C12orf56: variants seen among roughly 807,000 people sequenced by gnomAD.
The protein encoded by C12orf56 is uncharacterized protein C12orf56.
C12orf56 carries 71 observed loss-of-function variants against 69.9 expected under a neutral mutation model. The ratio of observed to expected loss-of-function variants is 1.02; its 90% CI spans 0.84 to 1.24. The LOEUF (loss-of-function observed/expected upper bound fraction) is 1.24. Among genes scored for constraint, C12orf56 ranks in the 50% most tolerant of loss-of-function variants. The probability of loss-of-function intolerance (pLI) is 0.00; values close to 1 mark genes in which losing one functional copy is unlikely to be tolerated. For missense variants in C12orf56, 732 were observed against 738.5 expected (o/e 0.99, Z 0.10); for synonymous variants, 276 against 274.1 (o/e 1.01, Z -0.07).
intron 1 of C12orf56, among the ~76,000 whole-genome samples, chr12:64,364,553 T>C (rs2039440049): frequency 6.6e-6 from 1 of 152,014 alleles, no homozygotes; most frequent in Non-Finnish European, 1.5e-5. Flanking sequence ...TGAGCTTCCC[T>C]GGTTGGCAAC....
At chr12:64,270,754 AC>A (rs1367197566) in intron 11 of C12orf56, 40 bp from the exon 12 acceptor site, 1 of 1,517,290 alleles carries the variant, frequency 6.6e-7, no homozygotes, top group Non-Finnish European at 8.9e-7. Flanking sequence ...GCTGTGTGCC[AC>A]CCACAAAAGC....
intron 1 of C12orf56, among the ~76,000 whole-genome samples, chr12:64,385,448 G>GTCA (rs1378614290): frequency 3.3e-5 from 5 of 152,086 alleles, no homozygotes; most frequent in Admixed American, 1.3e-4. Context: ...TGTGACATAT[G>GTCA]TCAGGAACTA....
rs1475726497 is a variant in C12orf56, at chr12:64,318,611, A to T, written c.858T>A (p.Phe286Leu). The T allele has an allele frequency of 6.5e-7, 1 of 1,536,436 alleles. No individual in the cohort carries two copies. Among genetic ancestry groups the T allele is most frequent in the Non-Finnish European group, 8.7e-7 (1 of 1,146,398 alleles). ...LYVISTTSSI[F>L]LHLKSSWNNY... ...TGTTCCATGAACTTTTTAAGTGCAG[A>T]AATATTGATGAGGTTGTGGAAATAA... The change falls in exon 4 of 13, where the codon TTT becomes TTA. Residue 286 changes from phenylalanine (F) to leucine (L), a missense_variant. Phe to Leu is a conservative substitution (Grantham distance 22). Transcript: ENST00000543942.
At chr12:64,281,503 T>G (rs919723405) in intron 8 of C12orf56, among the ~76,000 whole-genome samples, 3 of 150,630 alleles carry the variant, frequency 2.0e-5, no homozygotes, top group African/African-American at 7.3e-5. Context: ...ACCATGGAGG[T>G]AGAGGTTGCA....
In C12orf56 at chr12:64,390,604, G is replaced by T; in HGVS notation, c.-39C>A. 6.8e-7 allele frequency: 1 copy of T among 1,461,738 alleles called. No individual in the cohort carries two copies. The highest frequency in any genetic ancestry group is 2.6e-5 in the Admixed American group (1 of 38,932). The allele number at this position is 1,461,738 out of a possible 1,614,324, so 90.5% of individuals were successfully genotyped here. On this transcript the variant is annotated 5_prime_UTR_variant, in exon 1 of 13. Transcript: ENST00000543942. ...AGCGTGGCGGAGTGCTGGGACTCGA[G>T]GCCCTCAGCTCGCCCTCTCCCCGCC...
At chr12:64,270,834 C>A in intron 11 of C12orf56, 120 bp from the exon 12 acceptor site, 1 of 772,946 alleles carries the variant, frequency 1.3e-6, no homozygotes, top group East Asian at 2.6e-5. Flanking sequence ...ACCACTGTTG[C>A]AATGTTCCTT....
chr12:64,277,807 G>C lies in C12orf56; in HGVS notation c.1311-4C>G, dbSNP rs758898897. Reference sequence around the variant, plus strand: ...CAAGAGATTAAATAGTGCTCCCCTGGAAAAAAATAAATAAAAGGCAATTAG... The same window carrying C: ...CAAGAGATTAAATAGTGCTCCCCTGCAAAAAAATAAATAAAAGGCAATTAG... On this transcript the variant is annotated splice_polypyrimidine_tract_variant and splice_region_variant and intron_variant, in intron 8 of 12. Transcript: ENST00000543942. 10 of 1,533,268 alleles carry C rather than the reference G, an allele frequency of 6.5e-6. No homozygotes were observed. The Admixed American group carries it at 1.8e-4, about 27-fold the overall frequency. 95.0% of individuals were successfully genotyped at this position (1,533,268 alleles called of 1,614,324 possible). A position where few individuals can be genotyped will look rare whatever the true frequency, so the allele number is the denominator to read the frequency against.
chr12:64,315,931 C>CAA (rs1447522554), intron 4 of C12orf56, among the ~76,000 whole-genome samples: 93 of 61,204 alleles, frequency 1.5e-3, no homozygotes, highest in African/African-American at 4.0e-3. Context: ...AACTCCACCT[C>CAA]AAAAAAAAAA....
At position 64,366,073 on chromosome 12, in the gene C12orf56, T is replaced by C. The variant is rs2039472156; in HGVS notation, c.253-13017A>G. On this transcript the variant is annotated intron_variant, in intron 1 of 12. Coordinates refer to ENST00000543942, the MANE Select transcript of C12orf56 (RefSeq NM_001170633.2). ...TATATAATATATAGCTTGTATAATA[T>C]ATAGTTTGTATAATATATAGTTTAT... Among the ~76,000 whole-genome samples the C allele has an allele frequency of 4.0e-5, 5 of 126,142 alleles. No homozygotes were observed. The South Asian group carries it at 1.2e-3, about 30-fold the overall frequency. 82.8% of individuals were successfully genotyped at this position (126,142 alleles called of 152,430 possible).
chr12:64,270,574 T>A lies in C12orf56; in HGVS notation c.1725A>T (p.Leu575=), dbSNP rs1282610601. The change falls in exon 12 of 13, where the codon CTA becomes CTT. Residue 575 remains leucine (L), a synonymous_variant. Transcript: ENST00000543942. ...TGTAGTTATTCCTAATATACTCAGC[T>A]AGAGTCCTGCTGTGCCGCAGACAGC... ...LKSCLRHSRT[L]AEYIRNNYRE... The A allele has an allele frequency of 4.3e-6, 7 of 1,610,244 alleles. No homozygotes were observed. The highest frequency in any genetic ancestry group is 5.9e-6 in the Non-Finnish European group (7 of 1,178,650).
At chr12:64,342,087 A>C (rs867484855) in intron 2 of C12orf56, among the ~76,000 whole-genome samples, 4 of 152,134 alleles carry the variant, frequency 2.6e-5, no homozygotes, top group African/African-American at 9.7e-5. Flanking sequence ...TGGGATACAA[A>C]TATCTTCCCA....
intron 1 of C12orf56, among the ~76,000 whole-genome samples, chr12:64,364,697 T>C (rs913427825): frequency 1.3e-5 from 2 of 152,122 alleles, no homozygotes; most frequent in Non-Finnish European, 2.9e-5. Flanking sequence ...TTACTAACTT[T>C]AATCTGTATC....
chr12:64,300,772 C>G (rs181625634), intron 6 of C12orf56, among the ~76,000 whole-genome samples: 13 of 152,336 alleles, frequency 8.5e-5, no homozygotes, highest in Non-Finnish European at 1.6e-4. Context: ...AGAGATCACT[C>G]TCACCTTTGG....
At chr12:64,302,480 A>G (rs781213458) in intron 6 of C12orf56, among the ~76,000 whole-genome samples, 27 of 152,232 alleles carry the variant, frequency 1.8e-4, no homozygotes, top group Non-Finnish European at 3.2e-4. Context: ...ATAAATAGCC[A>G]GGACTGTCTT....
rs1045009551 is a variant in C12orf56, at chr12:64,349,845, A to T, written c.415+3049T>A. Among the ~76,000 whole-genome samples, 3 of 152,272 alleles carry T rather than the reference A, an allele frequency of 2.0e-5. No individual in the cohort carries two copies. In the East Asian group the frequency reaches 5.8e-4, roughly 29 times the overall value. On this transcript the variant is annotated intron_variant, in intron 2 of 12. Transcript: ENST00000543942. Reference sequence around the variant, plus strand: ...ATGGTGGCTCACGCCTGTAATCCTGACACTTTGGGAGGCCAAGGCAGGCAT... The same window carrying T: ...ATGGTGGCTCACGCCTGTAATCCTGTCACTTTGGGAGGCCAAGGCAGGCAT...
intron 2 of C12orf56, among the ~76,000 whole-genome samples, chr12:64,348,016 T>C (rs1402384320): frequency 6.6e-6 from 1 of 152,166 alleles, no homozygotes; most frequent in Non-Finnish European, 1.5e-5. Flanking sequence ...TGGTGGCTCA[T>C]GCCTGTAATC....
intron 5 of C12orf56, among the ~76,000 whole-genome samples, chr12:64,305,958 CT>C (rs1362462642): frequency 2.0e-5 from 3 of 152,148 alleles, no homozygotes; most frequent in African/African-American, 7.2e-5. Context: ...ATTGATTTTC[CT>C]GTTTTTTCAT....
At chr12:64,276,470 T>C (rs1461662583) in intron 9 of C12orf56, among the ~76,000 whole-genome samples, 1 of 152,220 alleles carries the variant, frequency 6.6e-6, no homozygotes, top group African/African-American at 2.4e-5. Context: ...GCCCTGCCTA[T>C]CTGAGTCTTG....
At chr12:64,378,143 A>T (rs1459487052) in intron 1 of C12orf56, among the ~76,000 whole-genome samples, 1 of 152,256 alleles carries the variant, frequency 6.6e-6, no homozygotes, top group Non-Finnish European at 1.5e-5. Context: ...TGAGATGGTC[A>T]TTAAGTACTG....
Sources: gnomAD v4.1 joint callset for allele counts (sites outside exome capture counted in the v4.1 genomes callset) on GRCh38, gnomAD v4.1.1 for gene constraint, MANE v1.5 for transcripts, NCBI Gene and HGNC (gene_info 2026-07-23, HGNC 2026-07-21) for gene names.